Variants in CRTC1 observed in about 807,000 individuals in gnomAD.
CRTC1 encodes CREB regulated transcription coactivator 1.
In CRTC1, 18 loss-of-function variants were observed where a neutral mutation model predicts 66.1. The observed-to-expected ratio is 0.27, with a 90% CI of 0.19 to 0.40. The LOEUF (loss-of-function observed/expected upper bound fraction) is 0.40. CRTC1 is among the 10% of genes least tolerant of loss of function. The pLI, the probability that CRTC1 is intolerant of heterozygous loss-of-function variation, is 1.00. For synonymous variants in CRTC1, 416 were observed against 398.8 expected (o/e 1.04, Z -0.51); for missense variants, 669 against 887.9 (o/e 0.75, Z 3.13).
chr19:18,776,865 C>T (rs2055000440), intron 13 of CRTC1, among the ~76,000 whole-genome samples: 1 of 152,198 alleles, frequency 6.6e-6, no homozygotes, highest in Non-Finnish European at 1.5e-5. Flanking sequence ...AGGTCCCTGC[C>T]CTCGCCAGGT....
At chr19:18,711,980 G>T (rs964836663) in intron 1 of CRTC1, among the ~76,000 whole-genome samples, 4 of 152,126 alleles carry the variant, frequency 2.6e-5, no homozygotes, top group African/African-American at 7.2e-5. Context: ...ACAGGGTCTT[G>T]CTCTGTTGCC....
chr19:18,728,728 C>T (rs2053815708), intron 1 of CRTC1, among the ~76,000 whole-genome samples: 1 of 151,630 alleles, frequency 6.6e-6, no homozygotes, highest in Admixed American at 6.6e-5. Context: ...TGGTCTAGAA[C>T]TCCTGACCTC....
chr19:18,724,014 T>C (rs972058102), intron 1 of CRTC1, among the ~76,000 whole-genome samples: 7 of 152,188 alleles, frequency 4.6e-5, no homozygotes, highest in African/African-American at 9.7e-5. Context: ...GCTGCACTTA[T>C]GAGACATGTG....
At chr19:18,728,749 C>T (rs1489665919) in intron 1 of CRTC1, among the ~76,000 whole-genome samples, 2 of 151,176 alleles carry the variant, frequency 1.3e-5, no homozygotes, top group East Asian at 3.9e-4. Flanking sequence ...AAGTGATCTG[C>T]CCACCTTGAC....
rs1186229405 is a variant in CRTC1 at position 18,777,365 on chromosome 19, C to T, written c.1888C>T (p.Arg630Trp). Residue 630 changes from arginine to tryptophan, a missense_variant, in exon 14 of 14, where the codon CGG becomes TGG. By Grantham distance (101) the Arg-to-Trp change is moderately radical. This residue lies in a region of CRTC1 where 91 missense variants were observed against 99.1 expected (regional missense o/e 0.92). Transcript: ENST00000321949. This position sits in a 1 kb window ranked among gnomAD's most constrained non-coding sequence, Gnocchi z 5.5. ...LADPATEDTFRMDRL is the reference protein window; with the variant it reads ...LADPATEDTFWMDRL Reference sequence around the variant, plus strand: ...CGACCCAGCCACCGAGGACACCTTCCGGATGGACCGCCTGTGAGCGGGCAC... The same window carrying T: ...CGACCCAGCCACCGAGGACACCTTCTGGATGGACCGCCTGTGAGCGGGCAC... 6.2e-7 allele frequency: 1 copy of T among 1,604,192 alleles called. No individual in the cohort carries two copies.
At chr19:18,694,262 C>T (rs2052928659) in intron 1 of CRTC1, among the ~76,000 whole-genome samples, 1 of 141,438 alleles carries the variant, frequency 7.1e-6, no homozygotes, top group Non-Finnish European at 1.5e-5. Flanking sequence ...GATCACGCCA[C>T]TTCACTCCAG....
At chr19:18,762,955 C>T (rs191637011) in intron 8 of CRTC1, among the ~76,000 whole-genome samples, 27 of 152,346 alleles carry the variant, frequency 1.8e-4, no homozygotes, top group African/African-American at 4.8e-4. Context: ...TACAGCCACA[C>T]GCCACATCTT....
At chr19:18,718,505 TA>T (rs2053555211) in intron 1 of CRTC1, among the ~76,000 whole-genome samples, 1 of 148,162 alleles carries the variant, frequency 6.7e-6, no homozygotes, top group African/African-American at 2.4e-5. Context: ...CATGCCTGGC[TA>T]ATTTTTTTTT....
chr19:18,745,933 C>A lies in CRTC1; in HGVS notation c.354C>A (p.Pro118=). The part of the protein sequence containing the change: ...RGRLGSPHRR[P]LSVDKHGRQA... ...GGCTCGGCTCCCCACACCGCCGGCC[C>A]CTGTCAGTGGACAAACACGGACGGC... The change falls in exon 3 of 14, where the codon CCC becomes CCA. Residue 118 remains proline (P), a synonymous_variant. Transcript: ENST00000321949. 1 of 1,612,328 alleles carries A rather than the reference C, an allele frequency of 6.2e-7. No homozygotes were observed. The highest frequency in any genetic ancestry group is 8.5e-7 in the Non-Finnish European group (1 of 1,179,144).
At chr19:18,742,713 A>G (rs1267760230) in intron 1 of CRTC1, among the ~76,000 whole-genome samples, 197 bp from the exon 2 acceptor site, 3 of 152,096 alleles carry the variant, frequency 2.0e-5, no homozygotes, top group African/African-American at 7.2e-5. Flanking sequence ...CCGTCCCGGC[A>G]CCTCGGGTTT....
intron 8 of CRTC1, among the ~76,000 whole-genome samples, chr19:18,761,365 C>T (rs1568532415): frequency 2.0e-5 from 3 of 151,608 alleles, no homozygotes; most frequent in Non-Finnish European, 4.4e-5. Context: ...CCAACTAGTC[C>T]TGGGGGGTGG....
chr19:18,767,302 C>G (rs141078316), intron 9 of CRTC1, among the ~76,000 whole-genome samples: 1 of 151,890 alleles, frequency 6.6e-6, no homozygotes, highest in African/African-American at 2.4e-5. Flanking sequence ...CAGGTTCAAG[C>G]GATTTTCGTG....
intron 1 of CRTC1, among the ~76,000 whole-genome samples, chr19:18,700,495 CTT>C (rs397859461): frequency 6.8e-6 from 1 of 147,330 alleles, no homozygotes; most frequent in South Asian, 2.2e-4. Context: ...CTCTGCCACA[CTT>C]TTTTTTTTTT....
chr19:18,766,848 A>G (rs1233093521), intron 9 of CRTC1, among the ~76,000 whole-genome samples: 1 of 152,236 alleles, frequency 6.6e-6, no homozygotes, highest in Non-Finnish European at 1.5e-5. Context: ...TAATCAATGC[A>G]GCTTCATAGA....
rs773885061 is a variant in CRTC1 at position 18,747,008 on chromosome 19, A to T, written c.382-45A>T. On this transcript the variant is annotated intron_variant, in intron 3 of 13. Coordinates refer to ENST00000321949, the MANE Select transcript of CRTC1 (RefSeq NM_015321.3). ...CCCTGGGCTGAGAGTGTGTTGTTGG[A>T]GGCGGGGTCTCAGCCAGTGGCACTG... 2.4e-5 allele frequency: 38 copies of T among 1,580,616 alleles called. No individual in the cohort carries two copies. In the Admixed American group the frequency reaches 4.0e-4, roughly 17 times the overall value.
In CRTC1 at chr19:18,777,847, C is replaced by T. The variant is rs956442797; in HGVS notation, c.*465C>T. 9.5e-5 allele frequency: 28 copies of T among 293,512 alleles called. No homozygotes were observed. The highest frequency in any genetic ancestry group is 4.4e-4 in the Admixed American group (8 of 18,380). 18.2% of individuals were successfully genotyped at this position (293,512 alleles called of 1,614,324 possible). The stretch of plus-strand genomic sequence containing the variant: ...GTTCCCGGTCCCCCAGCCCATCCGC[C>T]ATCCCCAGCCCGTGGTCAGGTAGAG... On this transcript the variant is annotated 3_prime_UTR_variant, in exon 14 of 14. Coordinates refer to ENST00000321949, the MANE Select transcript of CRTC1 (RefSeq NM_015321.3). This position sits in a 1 kb window ranked among gnomAD's most constrained non-coding sequence, Gnocchi z 5.5.
chr19:18,735,011 G>T (rs773623632), intron 1 of CRTC1, among the ~76,000 whole-genome samples: 1 of 152,218 alleles, frequency 6.6e-6, no homozygotes, highest in African/African-American at 2.4e-5. Context: ...CGAGGCGTCC[G>T]GGCAGAAAAT....
At chr19:18,775,092 G>T in intron 12 of CRTC1, 106 bp downstream of exon 12, 1 of 1,133,708 alleles carries the variant, frequency 8.8e-7, no homozygotes, top group South Asian at 1.3e-5. Flanking sequence ...CGTGCTCGGG[G>T]GGCCCGTGCC....
At chr19:18,718,781 G>T (rs2053561465) in intron 1 of CRTC1, among the ~76,000 whole-genome samples, 1 of 152,090 alleles carries the variant, frequency 6.6e-6, no homozygotes, top group South Asian at 2.1e-4. Context: ...ATGTATGATT[G>T]TCTTCATTTC....
Sources: gnomAD v4.1 joint callset for allele counts (sites outside exome capture counted in the v4.1 genomes callset) on GRCh38, gnomAD v4.1.1 for gene constraint, gnomAD v4.1.1 regional missense constraint, Gnocchi (gnomAD v3.1) non-coding constraint, MANE v1.5 for transcripts, NCBI Gene and HGNC (gene_info 2026-07-23, HGNC 2026-07-21) for gene names.